VCAN: variants seen among roughly 807,000 people sequenced by gnomAD.
VCAN encodes the protein versican, also known as versican core protein.
Under a neutral mutation model 245.5 loss-of-function variants are expected in VCAN, and 44 were observed. The ratio of observed to expected loss-of-function variants is 0.18; its 90% CI spans 0.14 to 0.23. The LOEUF (loss-of-function observed/expected upper bound fraction) is 0.23. Ranked by LOEUF, VCAN falls within the 10% of genes least tolerant of loss-of-function variation. The pLI is 1.00. For synonymous variants in VCAN, 1,413 were observed against 1,437.0 expected (o/e 0.98, Z 0.38); for missense variants, 3,793 against 4,057.9 (o/e 0.93, Z 1.77).
At chr5:83,493,976 T>G in intron 5 of VCAN, 45 bp downstream of exon 5, 1 of 1,613,120 alleles carries the variant, frequency 6.2e-7, no homozygotes, top group Non-Finnish European at 8.5e-7. Context: ...CTGAGAAAAC[T>G]GAGGGAAGAC....
chr5:83,558,560 A>G (rs1161826107), intron 12 of VCAN, among the ~76,000 whole-genome samples: 1 of 152,136 alleles, frequency 6.6e-6, no homozygotes, highest in Non-Finnish European at 1.5e-5. Context: ...GTAAGAAGAA[A>G]CAAGTTTATA....
chr5:83,568,249 C>T (rs1748158817), intron 12 of VCAN, among the ~76,000 whole-genome samples: 1 of 151,934 alleles, frequency 6.6e-6, no homozygotes, highest in Admixed American at 6.6e-5. Flanking sequence ...GTCAGTTTGG[C>T]AATAACATGA....
At chr5:83,570,231 T>C (rs541610154) in intron 12 of VCAN, among the ~76,000 whole-genome samples, 7 of 151,804 alleles carry the variant, frequency 4.6e-5, no homozygotes, top group Admixed American at 3.9e-4. Context: ...CTGGATTAGG[T>C]TTTTCCCCCG....
chr5:83,573,789 A>G (rs1191197440), intron 13 of VCAN, among the ~76,000 whole-genome samples: 1 of 152,152 alleles, frequency 6.6e-6, no homozygotes, highest in Non-Finnish European at 1.5e-5. Context: ...AACGGTGGTC[A>G]TCTGAAATAC....
intron 5 of VCAN, among the ~76,000 whole-genome samples, chr5:83,506,526 C>CATT (rs61669335): frequency 0.67 from 101,450 of 151,768 alleles, 36,283 homozygotes; most frequent in East Asian, 0.91. Context: ...TTGTCAATAT[C>CATT]ATCAGCATTT....
chr5:83,501,908 T>C (rs1333004003), intron 5 of VCAN, among the ~76,000 whole-genome samples: 5 of 152,220 alleles, frequency 3.3e-5, no homozygotes, highest in African/African-American at 1.2e-4. Flanking sequence ...TATTATGTCT[T>C]CTGATCTGTG....
At chr5:83,542,618 G>C (rs1313982347) in intron 8 of VCAN, among the ~76,000 whole-genome samples, 1 of 152,096 alleles carries the variant, frequency 6.6e-6, no homozygotes, top group Non-Finnish European at 1.5e-5. Flanking sequence ...TACATGTTAG[G>C]TTTAAAAGTA....
chr5:83,517,309 C>A (rs1745887670), intron 6 of VCAN, among the ~76,000 whole-genome samples: 1 of 152,152 alleles, frequency 6.6e-6, no homozygotes. Context: ...TTCACAGCCC[C>A]TTTGGCCCTA....
Position 83,579,262 on chromosome 5 carries a change from G to A in VCAN, c.9881-718G>A, listed in dbSNP as rs569087881. On this transcript the variant is annotated intron_variant, in intron 13 of 14. Coordinates refer to ENST00000265077, the MANE Select transcript of VCAN (RefSeq NM_004385.5). The stretch of plus-strand genomic sequence containing the variant: ...GTTTGTTTGTTTGTTTGTTTGTTTT[G>A]TTTTGTTTTGTTTTGTTTTTGAGAC... Among the ~76,000 whole-genome samples, 338 of 151,662 alleles carry A rather than the reference G, an allele frequency of 2.2e-3. 1 individual carries two copies. The highest frequency in any genetic ancestry group is 7.8e-3 in the African/African-American group (323 of 41,368).
intron 12 of VCAN, among the ~76,000 whole-genome samples, chr5:83,571,623 T>A (rs1193081538): frequency 1.3e-5 from 2 of 152,278 alleles, no homozygotes; most frequent in African/African-American, 2.4e-5. Flanking sequence ...TCCTTTTCAA[T>A]GATCTCAACA....
chr5:83,566,123 A>T (rs1256321797), intron 12 of VCAN, among the ~76,000 whole-genome samples: 1 of 151,328 alleles, frequency 6.6e-6, no homozygotes, highest in Non-Finnish European at 1.5e-5. Flanking sequence ...TGCCTGGCCA[A>T]TTTTTTTTAT....
At chr5:83,559,363 G>C (rs1320823073) in intron 12 of VCAN, among the ~76,000 whole-genome samples, 1 of 151,980 alleles carries the variant, frequency 6.6e-6, no homozygotes, top group Non-Finnish European at 1.5e-5. Flanking sequence ...AAATTCTTCA[G>C]TGTCTGCTCA....
At position 83,521,581 on chromosome 5, in the gene VCAN, C is replaced by T. The variant is rs1345172093; in HGVS notation, c.3275C>T (p.Thr1092Ile). Residue 1092 changes from threonine to isoleucine, a missense_variant, in exon 7 of 15, where the codon ACA (threonine) becomes ATA (isoleucine). By Grantham distance (89) the Thr-to-Ile change is moderately conservative. Around this residue, in one of 5 missense-constraint regions of VCAN, gnomAD observed 3,182 missense variants for 3,250.3 expected, o/e 0.98. Coordinates refer to ENST00000265077, the MANE Select transcript of VCAN (RefSeq NM_004385.5). ...TGSERVPVLE[T>I]TPVGKIDHSV... The stretch of plus-strand genomic sequence containing the variant: ...TCTGAGAGGGTCCCAGTTTTAGAAA[C>T]AACTCCAGTTGGAAAAATTGATCAC... 6.2e-7 allele frequency: 1 copy of T among 1,614,082 alleles called. No individual in the cohort carries two copies.
chr5:83,497,964 G>A (rs550024460), intron 5 of VCAN, among the ~76,000 whole-genome samples: 2 of 152,252 alleles, frequency 1.3e-5, no homozygotes, highest in East Asian at 3.9e-4. Context: ...CCTTGCAAAT[G>A]AGTCAATACT....
chr5:83,517,065 C>CAT (rs1305013510), intron 6 of VCAN, among the ~76,000 whole-genome samples: 1 of 152,188 alleles, frequency 6.6e-6, no homozygotes, highest in East Asian at 1.9e-4. Context: ...AACAAAGTCA[C>CAT]ATAAATACTG....
At position 83,519,841 on chromosome 5, in the gene VCAN, A is replaced by T; in HGVS notation, c.1535A>T (p.Glu512Val). 1.2e-6 allele frequency: 2 copies of T among 1,614,180 alleles called. No homozygotes were observed. The highest frequency in any genetic ancestry group is 1.7e-6 in the Non-Finnish European group (2 of 1,180,000). The change falls in exon 7 of 15, where the codon GAA (glutamate) becomes GTA (valine). Residue 512 changes from glutamate to valine, a missense_variant. Around this residue, in one of 5 missense-constraint regions of VCAN, gnomAD observed 3,182 missense variants for 3,250.3 expected, o/e 0.98. Coordinates refer to ENST00000265077, the MANE Select transcript of VCAN (RefSeq NM_004385.5). Reference sequence around the variant, plus strand: ...ATCTTAAAGCACATTCCTTCCAAGGAATTCCCTGTAACTGAAACACCATTG... The same window carrying T: ...ATCTTAAAGCACATTCCTTCCAAGGTATTCCCTGTAACTGAAACACCATTG... ...MEILKHIPSKEFPVTETPLVT... is the reference protein window; with the variant it reads ...MEILKHIPSKVFPVTETPLVT...
chr5:83,474,390 T>C (rs1016859303), intron 1 of VCAN, among the ~76,000 whole-genome samples: 2 of 152,084 alleles, frequency 1.3e-5, no homozygotes, highest in Non-Finnish European at 2.9e-5. Context: ...TTTAGGATAC[T>C]CTTTTCCCTT....
In VCAN at chr5:83,537,723, G is replaced by A. The variant is rs750156825; in HGVS notation, c.4720G>A (p.Val1574Ile). The A allele has an allele frequency of 1.2e-6, 2 of 1,613,910 alleles. No individual in the cohort carries two copies. Among genetic ancestry groups the A allele is most frequent in the Non-Finnish European group, 1.7e-6 (2 of 1,179,952 alleles). ...TACAGAAGTAACATTTGGTGAAGAG[G>A]TAGAAAAAAGTACTTCTGTCACATA... is the stretch of plus-strand genomic sequence containing the variant. ...RATEVTFGEEVEKSTSVTYTP... is the reference protein window; with the variant it reads ...RATEVTFGEEIEKSTSVTYTP... The change falls in exon 8 of 15, where the codon GTA becomes ATA. Residue 1574 changes from valine to isoleucine, a missense_variant. Coordinates refer to ENST00000265077, the MANE Select transcript of VCAN (RefSeq NM_004385.5).
chr5:83,490,971 G>A (rs1484049581), intron 3 of VCAN, among the ~76,000 whole-genome samples: 4 of 151,780 alleles, frequency 2.6e-5, no homozygotes, highest in South Asian at 2.1e-4. Flanking sequence ...AACTTATACC[G>A]AAGAAATAAG....
Sources: allele counts gnomAD v4.1 joint callset (sites outside exome capture counted in the v4.1 genomes callset), GRCh38; gene constraint gnomAD v4.1.1; regional missense constraint gnomAD v4.1.1; transcripts MANE v1.5; gene names NCBI Gene and HGNC (gene_info 2026-07-23, HGNC 2026-07-21).